Variants in IL7 observed in about 807,000 individuals in gnomAD.
IL7 encodes interleukin-7.
In IL7, 3 loss-of-function variants were observed where a neutral mutation model predicts 21.6. That is an observed-to-expected ratio of 0.14 (90% CI 0.06 to 0.36). IL7 has a LOEUF of 0.36. Among genes scored for constraint, IL7 ranks in the 10% least tolerant of loss-of-function variants. The pLI is 1.00. For synonymous variants in IL7, 62 were observed against 68.1 expected (o/e 0.91, Z 0.44); for missense variants, 175 against 200.2 (o/e 0.87, Z 0.76).
At chr8:78,765,481 A>G (rs1812726450) in intron 2 of IL7, among the ~76,000 whole-genome samples, 1 of 152,120 alleles carries the variant, frequency 6.6e-6, no homozygotes, top group African/African-American at 2.4e-5. Flanking sequence ...TTAAAAATCT[A>G]AAATAAGACA....
intron 4 of IL7, among the ~76,000 whole-genome samples, chr8:78,684,212 T>A (rs936548328): frequency 6.6e-6 from 1 of 152,218 alleles, no homozygotes; most frequent in Non-Finnish European, 1.5e-5. Context: ...ATTTTCATAC[T>A]GCTATGAAGA....
chr8:78,772,420 A>G (rs1812987727), intron 2 of IL7, among the ~76,000 whole-genome samples: 1 of 152,166 alleles, frequency 6.6e-6, no homozygotes, highest in South Asian at 2.1e-4. Context: ...ATGCATATTC[A>G]GATTTTATGC....
At chr8:78,713,452 G>A (rs142858523), downstream of IL7, among the ~76,000 whole-genome samples, 2 of 150,038 alleles carry the variant, frequency 1.3e-5, no homozygotes, top group African/African-American at 4.9e-5. Flanking sequence ...CACTTAAGAC[G>A]ATTCTATAGC....
Position 78,732,951 on chromosome 8 carries a change from T to A in IL7, c.*762A>T, listed in dbSNP as rs1315859716. On this transcript the variant is annotated 3_prime_UTR_variant, in exon 6 of 6. Transcript: ENST00000263851. ...AAAATATATCTCCCAAATTGCAAAC[T>A]TATTTAGACAAGTTATAATCTATAT... 2.8e-5 allele frequency: 4 copies of A among 143,204 alleles called. No individual in the cohort carries two copies. The highest frequency in any genetic ancestry group is 6.1e-5 in the Non-Finnish European group (4 of 65,234). 8.9% of individuals were successfully genotyped at this position (143,204 alleles called of 1,614,324 possible).
intron 3 of IL7, among the ~76,000 whole-genome samples, chr8:78,723,556 A>G (rs546833583): frequency 6.6e-6 from 1 of 152,170 alleles, no homozygotes; most frequent in South Asian, 2.1e-4. Context: ...AACTTTCATA[A>G]AGGATTATAC....
rs1010037315 is a variant in IL7 at position 78,738,534 on chromosome 8, G to C, written c.330C>G (p.Gly110=). Residue 110 remains glycine, a synonymous_variant, in exon 4 of 6, where the codon GGC becomes GGG. Transcript: ENST00000263851. ...CAGTGCAGTTCAACAGTATTGTTGT[G>C]CCTTCTGAAACTTTTAATAAGTGGA... The part of the protein sequence containing the change: ...FDLHLLKVSE[G]TTILLNCTGQ... The C allele has an allele frequency of 6.2e-7, 1 of 1,613,398 alleles. No homozygotes were observed. Among genetic ancestry groups the C allele is most frequent in the Non-Finnish European group, 8.5e-7 (1 of 1,179,546 alleles).
intron 3 of IL7, among the ~76,000 whole-genome samples, chr8:78,687,320 T>A (rs1396053056): frequency 2.0e-5 from 3 of 151,660 alleles, no homozygotes. Context: ...GAAAGTTCTT[T>A]AGCAAATCTA....
At chr8:78,752,452 A>G (rs749521699) in intron 2 of IL7, among the ~76,000 whole-genome samples, 3 of 152,122 alleles carry the variant, frequency 2.0e-5, no homozygotes, top group Non-Finnish European at 4.4e-5. Context: ...TGTCTTTTTG[A>G]TAATAGCCAT....
chr8:78,786,066 T>C (rs1459864471), intron 2 of IL7, among the ~76,000 whole-genome samples: 2 of 152,202 alleles, frequency 1.3e-5, no homozygotes. Flanking sequence ...AGATTCCTCA[T>C]GTACATTGTG....
intron 1 of IL7, among the ~76,000 whole-genome samples, chr8:78,803,620 C>T (rs964620301): frequency 2.6e-5 from 4 of 152,148 alleles, no homozygotes; most frequent in African/African-American, 9.7e-5. Flanking sequence ...GAAAAATGCA[C>T]ACGCTAGCTT....
chr8:78,677,928 A>C (rs1809635260), intron 4 of IL7, among the ~76,000 whole-genome samples: 1 of 152,186 alleles, frequency 6.6e-6, no homozygotes, highest in African/African-American at 2.4e-5. Flanking sequence ...TGATATGCTA[A>C]ACAAGGGGTG....
chr8:78,752,373 C>T lies in IL7; in HGVS notation c.148-12291G>A, dbSNP rs552408181. On this transcript the variant is annotated intron_variant, in intron 2 of 5. Transcript: ENST00000263851. Reference sequence around the variant, plus strand: ...CATACTGTTTTCAATAATGGCTGTACTAATTCACATTCCCACCAACAATTC... The same window carrying T: ...CATACTGTTTTCAATAATGGCTGTATTAATTCACATTCCCACCAACAATTC... Among the ~76,000 whole-genome samples the T allele has an allele frequency of 5.3e-4, 81 of 152,286 alleles. 1 individual carries two copies. The South Asian group carries it at 0.015, about 28-fold the overall frequency.
At chr8:78,766,277 C>A (rs1812750414) in intron 2 of IL7, among the ~76,000 whole-genome samples, 1 of 152,022 alleles carries the variant, frequency 6.6e-6, no homozygotes, top group Admixed American at 6.6e-5. Context: ...TTTGACAAAA[C>A]CCATAGTATG....
chr8:78,687,885 A>G (rs1810071024), intron 3 of IL7, among the ~76,000 whole-genome samples: 1 of 122,388 alleles, frequency 8.2e-6, no homozygotes, highest in African/African-American at 2.9e-5. Flanking sequence ...ATATATATTT[A>G]TATAATAAAT....
intron 2 of IL7, among the ~76,000 whole-genome samples, chr8:78,749,901 G>T (rs1812109119): frequency 6.6e-6 from 1 of 152,062 alleles, no homozygotes; most frequent in South Asian, 2.1e-4. Flanking sequence ...GCCATGCATG[G>T]TGGCACATGC....
intron 3 of IL7, among the ~76,000 whole-genome samples, chr8:78,702,712 A>T (rs1301779259): frequency 6.6e-6 from 1 of 151,288 alleles, no homozygotes; most frequent in East Asian, 1.9e-4. Flanking sequence ...TAATTTCATT[A>T]TTTATCCAAA....
At chr8:78,785,191 G>A (rs1265489179) in intron 2 of IL7, among the ~76,000 whole-genome samples, 1 of 151,854 alleles carries the variant, frequency 6.6e-6, no homozygotes, top group Non-Finnish European at 1.5e-5. Context: ...AATTTTTATA[G>A]TACATGATAT....
intron 3 of IL7, among the ~76,000 whole-genome samples, chr8:78,711,577 A>G (rs1810951615): frequency 6.6e-6 from 1 of 152,162 alleles, no homozygotes; most frequent in Non-Finnish European, 1.5e-5. Context: ...AATTTTAAAA[A>G]GCACGGAAAT....
chr8:78,719,114 T>C (rs1385297573), intron 5 of IL7: 1 of 151,794 alleles, frequency 6.6e-6, no homozygotes, highest in Non-Finnish European at 1.5e-5. Context: ...AAATAAGCTG[T>C]AATGAATTTA....
Sources: allele counts gnomAD v4.1 joint callset (sites outside exome capture counted in the v4.1 genomes callset), GRCh38; gene constraint gnomAD v4.1.1; transcripts MANE v1.5; gene names NCBI Gene and HGNC (gene_info 2026-07-23, HGNC 2026-07-21).